The following SLC12A7 variants were observed in gnomAD, a reference collection of about 807,000 sequenced individuals.
SLC12A7 encodes the protein K-Cl cotransporter 4.
SLC12A7 carries 100 observed loss-of-function variants against 120.6 expected under a neutral mutation model. The ratio of observed to expected loss-of-function variants is 0.83; its 90% CI spans 0.71 to 0.98. The LOEUF (loss-of-function observed/expected upper bound fraction) is 0.98, where lower values mean the gene tolerates loss of function less well. Among genes scored for constraint, SLC12A7 ranks in the 50% least tolerant of loss-of-function variants. SLC12A7 has a pLI of 0.00. For synonymous variants in SLC12A7, 760 were observed against 678.0 expected (o/e 1.12, Z -1.88); for missense variants, 1,373 against 1,548.1 (o/e 0.89, Z 1.90).
chr5:1,053,366 C>A lies in SLC12A7; in HGVS notation c.3143G>T (p.Arg1048Leu). 1 of 1,613,920 alleles carries A rather than the reference C, an allele frequency of 6.2e-7. No homozygotes were observed. The highest frequency in any genetic ancestry group is 8.5e-7 in the Non-Finnish European group (1 of 1,179,976). Reference sequence around the variant, plus strand: ...AAGGATACAGTTCTCGTCTCCCTGCCGGTTTTTGGGAGGACCTGGCATGTT... The same window carrying A: ...AAGGATACAGTTCTCGTCTCCCTGCAGGTTTTTGGGAGGACCTGGCATGTT... ...LLNMPGPPKNRQGDENYMEFL... is the reference protein window; with the variant it reads ...LLNMPGPPKNLQGDENYMEFL... The change falls in exon 23 of 24, where the codon CGG (arginine) becomes CTG (leucine). Residue 1048 changes from arginine (R) to leucine (L), a missense_variant. Arg to Leu is a moderately radical substitution (Grantham distance 102, BLOSUM62 -2). Transcript: ENST00000264930.
intron 9 of SLC12A7, among the ~76,000 whole-genome samples, chr5:1,080,166 A>C (rs1482688136): frequency 1.3e-5 from 2 of 150,302 alleles, no homozygotes; most frequent in African/African-American, 4.9e-5. Flanking sequence ...CACGCCCTCC[A>C]CCCGCGGCTC....
At chr5:1,058,145 T>A (rs1443962222) in intron 21 of SLC12A7, among the ~76,000 whole-genome samples, 2 of 152,186 alleles carry the variant, frequency 1.3e-5, no homozygotes, top group Non-Finnish European at 2.9e-5. Context: ...GCAGGGGCCC[T>A]GTGGGGCACC....
the SLC12A7 span, among the ~76,000 whole-genome samples, chr5:1,150,343 C>T: frequency 1.3e-5 from 2 of 151,852 alleles, no homozygotes; most frequent in Non-Finnish European, 2.9e-5. Flanking sequence ...CACCTGCCCC[C>T]TAACCCCATC....
intron 12 of SLC12A7, among the ~76,000 whole-genome samples, chr5:1,077,058 G>GCT (rs113559394): frequency 6.8e-6 from 1 of 147,044 alleles, no homozygotes; most frequent in African/African-American, 2.5e-5. Flanking sequence ...GCCCCAGCCT[G>GCT]CCCCCCCGCC....
At chr5:1,088,199 G>T in intron 5 of SLC12A7, 107 bp downstream of exon 5, 1 of 1,115,776 alleles carries the variant, frequency 9.0e-7, no homozygotes, top group Non-Finnish European at 1.3e-6. Flanking sequence ...AGACCCCCAG[G>T]CAGCCCCCGG....
intron 2 of SLC12A7, among the ~76,000 whole-genome samples, chr5:1,093,861 C>T (rs1740813629): frequency 6.6e-6 from 1 of 152,202 alleles, no homozygotes; most frequent in South Asian, 2.1e-4. Context: ...GGCCACCCAC[C>T]CATGGCAGGG....
intron 9 of SLC12A7, among the ~76,000 whole-genome samples, chr5:1,080,999 G>C (rs1371954372): frequency 1.6e-5 from 1 of 63,452 alleles, no homozygotes; most frequent in Non-Finnish European, 4.8e-5. Context: ...GAGAGAGACA[G>C]AGAGAGAGAC....
upstream of SLC12A7, among the ~76,000 whole-genome samples, chr5:1,116,013 G>A (rs369608801): frequency 4.8e-4 from 73 of 152,054 alleles, 2 homozygotes; most frequent in South Asian, 0.011. Flanking sequence ...CAGAGTCTCC[G>A]GCCACCTGTG....
the SLC12A7 span, among the ~76,000 whole-genome samples, chr5:1,141,616 C>T: frequency 6.6e-6 from 1 of 152,378 alleles, no homozygotes; most frequent in East Asian, 1.9e-4. Context: ...AGCCACTAAG[C>T]TTGTGTGGTC....
chr5:1,076,348 C>A (rs1579363464), intron 13 of SLC12A7, 112 bp from the exon 14 acceptor site: 2 of 744,850 alleles, frequency 2.7e-6, no homozygotes, highest in African/African-American at 1.8e-5. Flanking sequence ...CGCCTTGTCT[C>A]CCCATGTCTG....
At chr5:1,095,005 T>TCGGTAGGAGGCGGGGGGG (rs1740953126) in intron 1 of SLC12A7, among the ~76,000 whole-genome samples, 13 of 91,942 alleles carry the variant, frequency 1.4e-4, no homozygotes, top group Non-Finnish European at 2.6e-4. Context: ...GAAGATAGGG[T>TCGGTAGGAGGCGGGGGGG]CGGTAGGAGG....
the SLC12A7 span, among the ~76,000 whole-genome samples, chr5:1,135,823 G>A: frequency 4.1e-3 from 629 of 152,322 alleles, 3 homozygotes; most frequent in African/African-American, 0.014. Context: ...CAGCTGGTGG[G>A]TTTTCCAAAA....
chr5:1,125,069 G>T, the SLC12A7 span, among the ~76,000 whole-genome samples: 1 of 152,300 alleles, frequency 6.6e-6, no homozygotes, highest in South Asian at 2.1e-4. Context: ...TCAGCTATGT[G>T]GAAATGCACC....
chr5:1,122,155 G>C, the SLC12A7 span, among the ~76,000 whole-genome samples: 1 of 152,170 alleles, frequency 6.6e-6, no homozygotes, highest in South Asian at 2.1e-4. Context: ...GGGATGGTGT[G>C]GGGGGACACT....
Position 1,081,568 on chromosome 5 carries a change from C to T in SLC12A7, c.1297+9G>A, listed in dbSNP as rs367551024. 2.1e-4 allele frequency: 333 copies of T among 1,594,746 alleles called. 1 individual carries two copies. The African/African-American group carries it at 3.1e-3, about 15-fold the overall frequency. ...AAAGAGAAGGGGAAGCCTGGAGCAG[C>T]GGGCTCACCGGTCACGGAAGGGAAG... On this transcript the variant is annotated intron_variant, in intron 9 of 23. Coordinates refer to ENST00000264930, the MANE Select transcript of SLC12A7 (RefSeq NM_006598.3).
intron 1 of SLC12A7, among the ~76,000 whole-genome samples, chr5:1,097,079 T>C (rs1399807026): frequency 2.0e-5 from 3 of 152,264 alleles, no homozygotes; most frequent in Non-Finnish European, 4.4e-5. Flanking sequence ...CCTGCCCTTC[T>C]CCACCAGGAG....
At chr5:1,112,807 TG>T (rs1322868375), upstream of SLC12A7, among the ~76,000 whole-genome samples, 30 of 149,706 alleles carry the variant, frequency 2.0e-4, no homozygotes, top group African/African-American at 7.2e-4. Context: ...TTGGATAGCC[TG>T]GGGGTGGGGT....
intron 8 of SLC12A7, among the ~76,000 whole-genome samples, chr5:1,083,499 A>T: frequency 6.6e-6 from 1 of 152,204 alleles, no homozygotes. Context: ...ATAAATCCAT[A>T]GCATTAAGAC....
intron 15 of SLC12A7, 133 bp downstream of exon 15, chr5:1,075,238 C>T (rs985331394): frequency 3.1e-6 from 4 of 1,304,532 alleles, no homozygotes; most frequent in Admixed American, 2.6e-5. Context: ...TGGACGTGCT[C>T]CCAGCTGCCC....
Sources: allele counts gnomAD v4.1 joint callset (sites outside exome capture counted in the v4.1 genomes callset), GRCh38; gene constraint gnomAD v4.1.1; transcripts MANE v1.5; gene names NCBI Gene and HGNC (gene_info 2026-07-23, HGNC 2026-07-21).